COG5: variants seen among roughly 807,000 people sequenced by gnomAD.
COG5 encodes the protein component of oligomeric golgi complex 5, also known as conserved oligomeric Golgi complex subunit 5.
COG5 carries 86 observed loss-of-function variants against 110.4 expected under a neutral mutation model. The observed-to-expected ratio is 0.78, with a 90% CI of 0.65 to 0.93. The LOEUF (loss-of-function observed/expected upper bound fraction) is 0.93. Ranked by LOEUF, COG5 falls within the 40% of genes least tolerant of loss-of-function variation. COG5 has a pLI of 0.00. For missense variants in COG5, 1,077 were observed against 987.0 expected (o/e 1.09, Z -1.22); for synonymous variants, 360 against 334.6 (o/e 1.08, Z -0.83).
chr7:107,399,294 G>A (rs2129060009), intron 7 of COG5, among the ~76,000 whole-genome samples: 1 of 152,240 alleles, frequency 6.6e-6, no homozygotes, highest in East Asian at 1.9e-4. Flanking sequence ...GAAAGACACA[G>A]AAGAAAATAT....
chr7:107,209,338 C>A, intron 21 of COG5: 1 of 419,554 alleles, frequency 2.4e-6, no homozygotes, highest in Non-Finnish European at 3.2e-6. Flanking sequence ...ACCTCCCAAC[C>A]AAGACAGGGA....
At chr7:107,339,415 A>G (rs1438272040) in intron 10 of COG5, among the ~76,000 whole-genome samples, 1 of 152,096 alleles carries the variant, frequency 6.6e-6, no homozygotes, top group Non-Finnish European at 1.5e-5. Context: ...GACAGCCACA[A>G]AATTATAGTG....
At chr7:107,421,360 T>C (rs901743112) in intron 6 of COG5, among the ~76,000 whole-genome samples, 6 of 152,192 alleles carry the variant, frequency 3.9e-5, no homozygotes, top group Non-Finnish European at 7.3e-5. Flanking sequence ...AAGGATCTAA[T>C]TGACATCTAC....
At chr7:107,538,952 C>T (rs1210384339) in intron 5 of COG5, among the ~76,000 whole-genome samples, 1 of 151,998 alleles carries the variant, frequency 6.6e-6, no homozygotes, top group East Asian at 1.9e-4. Flanking sequence ...TACCTAAGTC[C>T]TCATTAAACA....
At chr7:107,448,137 C>T (rs1464970833) in intron 6 of COG5, among the ~76,000 whole-genome samples, 1 of 152,138 alleles carries the variant, frequency 6.6e-6, no homozygotes, top group Non-Finnish European at 1.5e-5. Context: ...GCCTGGACGA[C>T]AGAGTAAGAC....
At chr7:107,464,517 C>T (rs1458695236) in intron 6 of COG5, among the ~76,000 whole-genome samples, 1 of 152,162 alleles carries the variant, frequency 6.6e-6, no homozygotes, top group East Asian at 1.9e-4. Flanking sequence ...TAAACAAGAG[C>T]ATTCGCTACT....
intron 12 of COG5, among the ~76,000 whole-genome samples, chr7:107,295,099 ATATTTT>A (rs1385199549): frequency 2.0e-3 from 130 of 63,818 alleles, no homozygotes; most frequent in South Asian, 0.012. Context: ...ATATATATAT[ATATTTT>A]TTTTTTTTTT....
chr7:107,287,449 C>G (rs189735356), intron 12 of COG5, among the ~76,000 whole-genome samples: 1 of 152,182 alleles, frequency 6.6e-6, no homozygotes, highest in Non-Finnish European at 1.5e-5. Context: ...ACAAGTGACT[C>G]CATGTCGAAT....
At chr7:107,266,863 G>C (rs770497529) in intron 14 of COG5, among the ~76,000 whole-genome samples, 15 of 151,982 alleles carry the variant, frequency 9.9e-5, no homozygotes, top group Non-Finnish European at 7.4e-5. Flanking sequence ...TTATCTCCTG[G>C]ACTGTTAAAT....
At chr7:107,442,633 C>G (rs1444288032) in intron 6 of COG5, among the ~76,000 whole-genome samples, 1 of 127,084 alleles carries the variant, frequency 7.9e-6, no homozygotes, top group Admixed American at 8.3e-5. Flanking sequence ...AGGTTTAAAT[C>G]AATTTCACCT....
intron 12 of COG5, among the ~76,000 whole-genome samples, chr7:107,289,878 A>G (rs1261353420): frequency 6.6e-6 from 1 of 152,138 alleles, no homozygotes; most frequent in Non-Finnish European, 1.5e-5. Flanking sequence ...TCCTGTGCCA[A>G]ACTTGCTATG....
At chr7:107,394,268 A>C (rs2129057860) in intron 7 of COG5, among the ~76,000 whole-genome samples, 1 of 151,672 alleles carries the variant, frequency 6.6e-6, no homozygotes, top group African/African-American at 2.4e-5. Context: ...TGGCCAGAAA[A>C]GATATTTTTT....
chr7:107,506,994 A>G (rs1799064099), intron 6 of COG5, among the ~76,000 whole-genome samples: 1 of 152,254 alleles, frequency 6.6e-6, no homozygotes, highest in Non-Finnish European at 1.5e-5. Flanking sequence ...AGACTGGGAA[A>G]GCACGCAAGG....
chr7:107,243,271 T>C (rs894760763), intron 17 of COG5, among the ~76,000 whole-genome samples: 4 of 151,760 alleles, frequency 2.6e-5, no homozygotes, highest in African/African-American at 9.7e-5. Context: ...CCCAGCACCT[T>C]GGGAGGCCGA....
At position 107,430,816 on chromosome 7, in the gene COG5, G is replaced by A. The variant is rs151334505; in HGVS notation, c.539-18184C>T. On this transcript the variant is annotated intron_variant, in intron 6 of 21. Coordinates refer to ENST00000297135, the MANE Select transcript of COG5 (RefSeq NM_006348.5). Reference sequence around the variant, plus strand: ...AAAAGGAACAATGCAGATATGCCATGGGTCTTGAGATGGGGAGGTTATCCT... The same window carrying A: ...AAAAGGAACAATGCAGATATGCCATAGGTCTTGAGATGGGGAGGTTATCCT... Among the ~76,000 whole-genome samples the A allele has an allele frequency of 2.0e-5, 3 of 152,228 alleles. No individual in the cohort carries two copies. In the East Asian group the frequency reaches 5.8e-4, roughly 29 times the overall value.
chr7:107,358,181 ATGT>A (rs1383861682), intron 10 of COG5, among the ~76,000 whole-genome samples: 7 of 152,136 alleles, frequency 4.6e-5, no homozygotes, highest in Non-Finnish European at 8.8e-5. Flanking sequence ...AACTGTTCTT[ATGT>A]TGTTTGTAGA....
chr7:107,213,789 C>T (rs1348408531), intron 19 of COG5, among the ~76,000 whole-genome samples: 2 of 152,152 alleles, frequency 1.3e-5, no homozygotes, highest in African/African-American at 2.4e-5. Context: ...TAAAGAACAC[C>T]TCTAAAGGAT....
At chr7:107,420,468 T>C (rs1793205016) in intron 6 of COG5, among the ~76,000 whole-genome samples, 34 of 152,112 alleles carry the variant, frequency 2.2e-4, no homozygotes, top group Admixed American at 2.2e-3. Context: ...TAAAATTTGT[T>C]TGTTTGTTTT....
At chr7:107,531,255 A>G (rs1242562729) in intron 5 of COG5, among the ~76,000 whole-genome samples, 1 of 151,984 alleles carries the variant, frequency 6.6e-6, no homozygotes, top group Admixed American at 6.6e-5. Context: ...TATTACCTGT[A>G]AATTAGTAGT....
Sources: gnomAD v4.1 joint callset for allele counts (sites outside exome capture counted in the v4.1 genomes callset) on GRCh38, gnomAD v4.1.1 for gene constraint, MANE v1.5 for transcripts, NCBI Gene and HGNC (gene_info 2026-07-23, HGNC 2026-07-21) for gene names.